Variants in CACNA2D3 observed in about 807,000 individuals in gnomAD.
CACNA2D3 encodes voltage-dependent calcium channel subunit alpha-2/delta-3.
CACNA2D3 carries 60 observed loss-of-function variants against 160.6 expected under a neutral mutation model. The observed-to-expected ratio is 0.37, with a 90% CI of 0.30 to 0.46. The LOEUF is 0.46. Ranked by LOEUF, CACNA2D3 falls within the 20% of genes least tolerant of loss-of-function variation. CACNA2D3 has a pLI of 1.00. For missense variants in CACNA2D3, 1,205 were observed against 1,365.0 expected, an observed-to-expected ratio of 0.88 and a Z score of 1.85; for synonymous variants, 558 against 492.9, an observed-to-expected ratio of 1.13 and a Z score of -1.75.
intron 11 of CACNA2D3, among the ~76,000 whole-genome samples, chr3:54,704,078 A>T (rs1700814865): frequency 6.6e-6 from 1 of 152,250 alleles, no homozygotes; most frequent in South Asian, 2.1e-4. Context: ...TGGCACCCAC[A>T]GTCTATGCTG....
chr3:54,538,274 C>T (rs1575510366), intron 5 of CACNA2D3, among the ~76,000 whole-genome samples: 1 of 152,120 alleles, frequency 6.6e-6, no homozygotes, highest in African/African-American at 2.4e-5. Context: ...AATCAAATAC[C>T]ACCATACTAT....
chr3:54,682,564 T>C (rs959193226), intron 11 of CACNA2D3, among the ~76,000 whole-genome samples: 1 of 152,134 alleles, frequency 6.6e-6, no homozygotes, highest in African/African-American at 2.4e-5. Flanking sequence ...TGAGCTGAGA[T>C]GGTGCCACTG....
intron 2 of CACNA2D3, among the ~76,000 whole-genome samples, chr3:54,127,090 G>A (rs1008658369): frequency 1.3e-5 from 2 of 152,208 alleles, no homozygotes; most frequent in Non-Finnish European, 2.9e-5. Context: ...GGGAGAATTG[G>A]ATAGGAGCTG....
intron 4 of CACNA2D3, among the ~76,000 whole-genome samples, chr3:54,443,443 G>A (rs1700173873): frequency 6.6e-6 from 1 of 152,162 alleles, no homozygotes; most frequent in Non-Finnish European, 1.5e-5. Context: ...TGCAGTTTCT[G>A]TATATTTGGA....
intron 2 of CACNA2D3, among the ~76,000 whole-genome samples, chr3:54,148,087 G>T (rs1700070071): frequency 6.6e-6 from 1 of 152,250 alleles, no homozygotes; most frequent in African/African-American, 2.4e-5. Context: ...GTGAGCCACT[G>T]CGCCCAGCTG....
intron 4 of CACNA2D3, among the ~76,000 whole-genome samples, chr3:54,439,333 T>TGTGTGTGTGTGTGTGTGTGTG (rs869041749): frequency 1.4e-5 from 2 of 147,968 alleles, no homozygotes; most frequent in African/African-American, 5.1e-5. Context: ...GTGTGTGTGT[T>TGTGTGTGTGTGTGTGTGTGTG]TGTGTGTGAA....
At chr3:54,222,900 C>G (rs1429840864) in intron 2 of CACNA2D3, among the ~76,000 whole-genome samples, 1 of 152,078 alleles carries the variant, frequency 6.6e-6, no homozygotes. Context: ...ATTTAATGTA[C>G]TTATAATTAA....
intron 4 of CACNA2D3, among the ~76,000 whole-genome samples, chr3:54,422,574 T>C (rs973023127): frequency 1.3e-5 from 2 of 152,010 alleles, no homozygotes; most frequent in African/African-American, 4.8e-5. Context: ...TGGAATTCCA[T>C]GGACAAAGAA....
intron 24 of CACNA2D3, among the ~76,000 whole-genome samples, chr3:54,890,495 C>CAAAAAAAAAA (rs34740812): frequency 2.3e-4 from 14 of 60,520 alleles, no homozygotes; most frequent in Middle Eastern, 8.5e-3. Flanking sequence ...GACTCCGTCT[C>CAAAAAAAAAA]AAAAAAAAAA....
chr3:54,421,331 G>A (rs150031879), intron 4 of CACNA2D3, among the ~76,000 whole-genome samples: 1 of 152,342 alleles, frequency 6.6e-6, no homozygotes, highest in East Asian at 1.9e-4. Context: ...TCCCTGAGGA[G>A]GAAAGATTCT....
chr3:54,451,389 A>G (rs1437973186), intron 4 of CACNA2D3, among the ~76,000 whole-genome samples: 5 of 151,842 alleles, frequency 3.3e-5, no homozygotes, highest in Non-Finnish European at 7.4e-5. Flanking sequence ...AGCTGGGACT[A>G]CAGGCACACA....
At chr3:54,191,066 G>T (rs954401049) in intron 2 of CACNA2D3, among the ~76,000 whole-genome samples, 1 of 129,788 alleles carries the variant, frequency 7.7e-6, no homozygotes. Flanking sequence ...AAAAAAAAAA[G>T]TGCCTTTCTT....
At chr3:54,806,882 C>T (rs1448663886) in intron 13 of CACNA2D3, among the ~76,000 whole-genome samples, 1 of 152,050 alleles carries the variant, frequency 6.6e-6, no homozygotes, top group African/African-American at 2.4e-5. Context: ...CAGAACAGAG[C>T]CCTCAGAAAT....
intron 20 of CACNA2D3, among the ~76,000 whole-genome samples, 162 bp from the exon 21 acceptor site, chr3:54,880,634 C>T (rs979546874): frequency 6.6e-6 from 1 of 152,186 alleles, no homozygotes; most frequent in Non-Finnish European, 1.5e-5. Flanking sequence ...GAAAAACCAA[C>T]ACCAGTGATA....
At chr3:54,333,131 G>A (rs548343355) in intron 3 of CACNA2D3, among the ~76,000 whole-genome samples, 1 of 152,218 alleles carries the variant, frequency 6.6e-6, no homozygotes, top group South Asian at 2.1e-4. Context: ...GCAAGACAAG[G>A]GGTTTTTTTT....
At chr3:54,860,222 A>G (rs561608810) in intron 17 of CACNA2D3, among the ~76,000 whole-genome samples, 1 of 152,346 alleles carries the variant, frequency 6.6e-6, no homozygotes, top group South Asian at 2.1e-4. Context: ...TTTATCTGGA[A>G]TATTTAGAAG....
chr3:54,742,012 G>C (rs920271378), intron 11 of CACNA2D3, among the ~76,000 whole-genome samples: 1 of 151,972 alleles, frequency 6.6e-6, no homozygotes, highest in South Asian at 2.1e-4. Context: ...GACTACAGGC[G>C]AGTACCACCA....
chr3:54,803,325 G>A (rs1388302685), intron 13 of CACNA2D3, among the ~76,000 whole-genome samples: 6 of 152,228 alleles, frequency 3.9e-5, no homozygotes, highest in East Asian at 3.9e-4. Context: ...AAATTTAGAC[G>A]AATGTATAAG....
chr3:54,687,327 AC>A (rs1249991124), intron 11 of CACNA2D3, among the ~76,000 whole-genome samples: 1 of 110,168 alleles, frequency 9.1e-6, no homozygotes, highest in African/African-American at 3.6e-5. Context: ...TTTTTTTTGT[AC>A]CTTTAATGGA....
Sources: allele counts gnomAD v4.1 joint callset (sites outside exome capture counted in the v4.1 genomes callset), GRCh38; gene constraint gnomAD v4.1.1; transcripts MANE v1.5; gene names NCBI Gene and HGNC (gene_info 2026-07-23, HGNC 2026-07-21).